MEGF9: variants seen among roughly 807,000 people sequenced by gnomAD.
MEGF9 encodes multiple epidermal growth factor-like domains protein 9.
MEGF9 carries 6 observed loss-of-function variants against 46.8 expected under a neutral mutation model. That is an observed-to-expected ratio of 0.13 (90% CI 0.07 to 0.25). The LOEUF (loss-of-function observed/expected upper bound fraction) is 0.25. Among genes scored for constraint, MEGF9 ranks in the 10% least tolerant of loss-of-function variants. The probability of loss-of-function intolerance (pLI) is 1.00; values close to 1 mark genes in which losing one functional copy is unlikely to be tolerated. For missense variants in MEGF9, 683 were observed against 792.4 expected, an observed-to-expected ratio of 0.86 and a Z score of 1.66; for synonymous variants, 302 against 330.7, an observed-to-expected ratio of 0.91 and a Z score of 0.94.
intron 1 of MEGF9, among the ~76,000 whole-genome samples, chr9:120,680,043 A>C (rs2043791484): frequency 6.6e-6 from 1 of 152,144 alleles, no homozygotes; most frequent in African/African-American, 2.4e-5. Context: ...ATTTCTGTTA[A>C]ACGTCTCTAA....
intron 2 of MEGF9, among the ~76,000 whole-genome samples, chr9:120,651,519 C>A (rs763238620): frequency 2.6e-5 from 4 of 151,996 alleles, no homozygotes; most frequent in Admixed American, 2.6e-4. Flanking sequence ...ATAATAGTGT[C>A]TACATTATAT....
rs2043412094 is a variant in MEGF9 at position 120,604,630 on chromosome 9, G to GA, written c.*559dup. 1 of 155,132 alleles carries GA rather than the reference G, an allele frequency of 6.4e-6. No individual in the cohort carries two copies. Among genetic ancestry groups the GA allele is most frequent in the Non-Finnish European group, 1.4e-5 (1 of 69,598 alleles). The allele number at this position is 155,132 out of a possible 1,614,324, so 9.6% of individuals were successfully genotyped here. On this transcript the variant is annotated 3_prime_UTR_variant, in exon 6 of 6. Transcript: ENST00000373930. ...CATCACTGAGCAAGAATCCTGGGAG[G>GA]AAAAAACCAAGCCCTTCTGAAGATC...
intron 2 of MEGF9, among the ~76,000 whole-genome samples, chr9:120,636,517 T>C (rs1450517846): frequency 6.6e-6 from 1 of 152,172 alleles, no homozygotes; most frequent in Non-Finnish European, 1.5e-5. Context: ...TAACTGATCT[T>C]ATCAAAATAA....
intron 3 of MEGF9, among the ~76,000 whole-genome samples, chr9:120,615,251 TAATA>T (rs947017870): frequency 1.2e-4 from 18 of 148,206 alleles, no homozygotes; most frequent in African/African-American, 3.7e-4. Flanking sequence ...AAAATAATAA[TAATA>T]AATAAATACA....
chr9:120,677,523 T>C (rs1181652580), intron 1 of MEGF9, among the ~76,000 whole-genome samples: 1 of 152,204 alleles, frequency 6.6e-6, no homozygotes, highest in Non-Finnish European at 1.5e-5. Flanking sequence ...TTGCTCAAGC[T>C]ACAAAATAAA....
At chr9:120,659,639 A>G in intron 1 of MEGF9, 64 bp from the exon 2 acceptor site, 2 of 1,253,300 alleles carry the variant, frequency 1.6e-6, no homozygotes, top group Non-Finnish European at 2.2e-6. Context: ...AATAAAATGA[A>G]CTCTATTTTA....
At chr9:120,659,605 C>T (rs1192989617) in intron 1 of MEGF9, 30 bp from the exon 2 acceptor site, 5 of 1,519,960 alleles carry the variant, frequency 3.3e-6, no homozygotes, top group South Asian at 1.2e-5. Context: ...AGAGACATTA[C>T]CAACTAAGAT....
intron 1 of MEGF9, among the ~76,000 whole-genome samples, chr9:120,676,606 C>T (rs1039082329): frequency 2.6e-5 from 4 of 152,138 alleles, no homozygotes; most frequent in African/African-American, 9.7e-5. Flanking sequence ...TTTTAAGTTA[C>T]ATGATTATGA....
At chr9:120,706,196 G>A (rs1431659732) in intron 1 of MEGF9, among the ~76,000 whole-genome samples, 4 of 152,088 alleles carry the variant, frequency 2.6e-5, no homozygotes, top group African/African-American at 9.7e-5. Context: ...GAGAAATTAT[G>A]CACACTTAAA....
chr9:120,679,930 TCC>T (rs1223939189), intron 1 of MEGF9, among the ~76,000 whole-genome samples: 1 of 105,162 alleles, frequency 9.5e-6, no homozygotes, highest in East Asian at 2.7e-4. Flanking sequence ...AGAGTGAGAC[TCC>T]GTCTCAAAAA....
intron 1 of MEGF9, among the ~76,000 whole-genome samples, chr9:120,673,081 T>C (rs755511759): frequency 1.3e-5 from 2 of 152,218 alleles, no homozygotes; most frequent in Non-Finnish European, 2.9e-5. Flanking sequence ...ATCAACTGTA[T>C]TTCTATGTGT....
chr9:120,612,399 T>A lies in MEGF9; in HGVS notation c.1084A>T (p.Ile362Leu). ...SAVTSTGSCS[I>L]KSSELEPECD... ...AAAAGTTAGAGAAAGGCCTTACTTA[T>A]AGAGCAGCTGCCTGTAGATGTCACT... The change falls in exon 4 of 6, where the codon ATA becomes TTA. Residue 362 changes from isoleucine (I) to leucine (L), a missense_variant. This residue lies in a region of MEGF9 where 313 missense variants were observed against 421.1 expected (regional missense o/e 0.74). Transcript: ENST00000373930. 1 of 1,609,378 alleles carries A rather than the reference T, an allele frequency of 6.2e-7. No individual in the cohort carries two copies. Among genetic ancestry groups the A allele is most frequent in the African/African-American group, 1.3e-5 (1 of 74,686 alleles).
intron 1 of MEGF9, among the ~76,000 whole-genome samples, chr9:120,688,167 A>G (rs866523173): frequency 8.4e-4 from 120 of 142,058 alleles, no homozygotes; most frequent in South Asian, 7.9e-3. Context: ...ACACACACAC[A>G]CACGCACGCA....
rs369989873 is a variant in MEGF9, at chr9:120,714,264, ACGGCGG to A, written c.89_94del (p.Ala30_Ala31del). 854,959 of 1,237,720 alleles carry A rather than the reference ACGGCGG, an allele frequency of 0.69. 296,769 individuals are homozygous for A. Among genetic ancestry groups the A allele is most frequent in the Admixed American group, 0.76 (17,573 of 23,244 alleles). The allele number at this position is 1,237,720 out of a possible 1,614,324, so 76.7% of individuals were successfully genotyped here. A position where few individuals can be genotyped will look rare whatever the true frequency, so the allele number is the denominator to read the frequency against. On this transcript the variant is annotated inframe_deletion, in exon 1 of 6. Transcript: ENST00000373930. ...ATTCCCCGCCGAGGCGGCTGAGGCG[ACGGCGG>A]CGGCGGCGGCGGCGGCGGCGCAGCA... is the stretch of plus-strand genomic sequence containing the variant.
Position 120,604,778 on chromosome 9 carries a change from G to A in MEGF9, c.*412C>T. On this transcript the variant is annotated 3_prime_UTR_variant, in exon 6 of 6. Coordinates refer to ENST00000373930, the MANE Select transcript of MEGF9 (RefSeq NM_001080497.3). ...TAAAACGAATATAATCCCTGACACT[G>A]TTTTAAAAAAAATGTTTCAGGAATG... 1 of 187,544 alleles carries A rather than the reference G, an allele frequency of 5.3e-6. No individual in the cohort carries two copies. The highest frequency in any genetic ancestry group is 1.1e-4 in the South Asian group (1 of 8,766). 11.6% of individuals were successfully genotyped at this position (187,544 alleles called of 1,614,324 possible).
At chr9:120,638,359 T>C (rs1460380784) in intron 2 of MEGF9, among the ~76,000 whole-genome samples, 1 of 152,222 alleles carries the variant, frequency 6.6e-6, no homozygotes, top group Non-Finnish European at 1.5e-5. Flanking sequence ...GTAGTGCCTA[T>C]AATTTAGAAC....
chr9:120,611,298 T>C (rs1373482910), intron 4 of MEGF9, among the ~76,000 whole-genome samples: 2 of 152,180 alleles, frequency 1.3e-5, no homozygotes, highest in African/African-American at 4.8e-5. Context: ...TGTATACAAA[T>C]GTTCACAGCA....
chr9:120,661,621 C>A (rs1189113714), intron 1 of MEGF9, among the ~76,000 whole-genome samples: 2 of 152,222 alleles, frequency 1.3e-5, no homozygotes, highest in Non-Finnish European at 2.9e-5. Context: ...AAGGAAAATT[C>A]ACATTTCTTC....
At chr9:120,686,593 C>G (rs563726542) in intron 1 of MEGF9, among the ~76,000 whole-genome samples, 1 of 152,194 alleles carries the variant, frequency 6.6e-6, no homozygotes, top group Non-Finnish European at 1.5e-5. Context: ...ACTTCCCTAA[C>G]TAGAAGCTAG....
Sources: gnomAD v4.1 joint callset for allele counts (sites outside exome capture counted in the v4.1 genomes callset) on GRCh38, gnomAD v4.1.1 for gene constraint, gnomAD v4.1.1 regional missense constraint, MANE v1.5 for transcripts, NCBI Gene and HGNC (gene_info 2026-07-23, HGNC 2026-07-21) for gene names.